The following C12orf42 variants were observed in gnomAD, a reference collection of about 807,000 sequenced individuals.
C12orf42 encodes the protein uncharacterized protein C12orf42.
C12orf42 carries 25 observed loss-of-function variants against 21.6 expected under a neutral mutation model. The observed-to-expected ratio is 1.16, with a 90% CI of 0.84 to 1.62. C12orf42 has a LOEUF of 1.62. Ranked by LOEUF, C12orf42 falls within the 40% of genes most tolerant of loss-of-function variation. C12orf42 has a pLI of 0.00. For synonymous variants in C12orf42, 174 were observed against 175.0 expected (o/e 0.99, Z 0.05); for missense variants, 483 against 459.3 (o/e 1.05, Z -0.47).
chr12:103,243,817 G>A (rs1306202054), intron 10 of C12orf42, among the ~76,000 whole-genome samples: 1 of 152,178 alleles, frequency 6.6e-6, no homozygotes, highest in African/African-American at 2.4e-5. Context: ...CCATGGCAGT[G>A]CCAGCAAGGA....
chr12:103,241,912 A>C (rs1420269477), intron 10 of C12orf42, among the ~76,000 whole-genome samples: 11 of 152,162 alleles, frequency 7.2e-5, no homozygotes, highest in Admixed American at 5.9e-4. Context: ...AAATAAATGT[A>C]TAGGCACTAA....
the C12orf42 span, among the ~76,000 whole-genome samples, chr12:103,177,929 G>T: frequency 6.6e-6 from 1 of 152,114 alleles, no homozygotes; most frequent in South Asian, 2.1e-4. Context: ...TGTAAATAAA[G>T]AATGGATAGG....
chr12:103,120,762 A>G, the C12orf42 span, among the ~76,000 whole-genome samples: 1 of 148,938 alleles, frequency 6.7e-6, no homozygotes, highest in African/African-American at 2.4e-5. Context: ...TTATTCTATT[A>G]TAGTATATTA....
At chr12:103,105,450 G>A in the C12orf42 span, among the ~76,000 whole-genome samples, 5 of 152,078 alleles carry the variant, frequency 3.3e-5, no homozygotes, top group African/African-American at 1.2e-4. Flanking sequence ...GCTAAGCATT[G>A]AGCACACATG....
At chr12:103,563,325 T>G in the C12orf42 span, among the ~76,000 whole-genome samples, 3 of 152,210 alleles carry the variant, frequency 2.0e-5, no homozygotes, top group Non-Finnish European at 4.4e-5. Flanking sequence ...CTACAGCCAA[T>G]TGATCATTTG....
At chr12:103,210,657 T>G in the C12orf42 span, among the ~76,000 whole-genome samples, 3 of 150,394 alleles carry the variant, frequency 2.0e-5, no homozygotes, top group Non-Finnish European at 4.4e-5. Flanking sequence ...TTTTTTTTTT[T>G]TTGCTTTTAG....
At chr12:103,485,116 G>A (rs146681260) in intron 1 of C12orf42, among the ~76,000 whole-genome samples, 91 of 152,138 alleles carry the variant, frequency 6.0e-4, no homozygotes, top group African/African-American at 1.9e-3. Flanking sequence ...TGATCTGCCC[G>A]CCTCGGCCTC....
chr12:103,177,454 G>C, the C12orf42 span, among the ~76,000 whole-genome samples: 2 of 152,166 alleles, frequency 1.3e-5, no homozygotes, highest in Non-Finnish European at 2.9e-5. Context: ...GGTTTCCAAA[G>C]AGCTAAAGAA....
intron 3 of C12orf42, among the ~76,000 whole-genome samples, chr12:103,394,562 G>A (rs10161221): frequency 0.018 from 2,773 of 152,242 alleles, 64 homozygotes; most frequent in African/African-American, 0.057. Flanking sequence ...AACTATAATC[G>A]CTGATTTGGT....
chr12:103,389,203 G>A (rs1011786620), intron 3 of C12orf42, among the ~76,000 whole-genome samples: 1 of 152,182 alleles, frequency 6.6e-6, no homozygotes, highest in Non-Finnish European at 1.5e-5. Flanking sequence ...ACAATATGGG[G>A]AATGGGTTGG....
At chr12:103,562,376 A>G in the C12orf42 span, among the ~76,000 whole-genome samples, 27 of 152,322 alleles carry the variant, frequency 1.8e-4, no homozygotes, top group East Asian at 2.5e-3. Context: ...TATACCTGCC[A>G]TTGTGTTAGC....
the C12orf42 span, among the ~76,000 whole-genome samples, chr12:103,211,351 A>G: frequency 2.6e-5 from 4 of 152,306 alleles, no homozygotes; most frequent in South Asian, 8.3e-4. Context: ...TAAAAGCCCT[A>G]TCCAAAAACA....
the C12orf42 span, among the ~76,000 whole-genome samples, chr12:103,062,419 C>A: frequency 2.5e-4 from 38 of 151,822 alleles, no homozygotes; most frequent in East Asian, 4.4e-3. Flanking sequence ...ATACTAAATT[C>A]TATATCAATA....
intron 1 of C12orf42, among the ~76,000 whole-genome samples, chr12:103,485,727 T>C (rs899791214): frequency 1.1e-4 from 17 of 152,362 alleles, no homozygotes; most frequent in African/African-American, 3.8e-4. Flanking sequence ...TTATTCTCTA[T>C]GTAGCAATTG....
the C12orf42 span, among the ~76,000 whole-genome samples, chr12:103,506,874 A>AT: frequency 1.3e-5 from 1 of 74,402 alleles, no homozygotes; most frequent in Non-Finnish European, 2.3e-5. Flanking sequence ...ATATATATTT[A>AT]TATATTATAT....
the C12orf42 span, among the ~76,000 whole-genome samples, chr12:103,208,346 C>G: frequency 6.6e-6 from 1 of 152,000 alleles, no homozygotes; most frequent in Non-Finnish European, 1.5e-5. Context: ...CCCTTTAGAT[C>G]TCCCCACCCA....
At chr12:103,130,606 C>T in the C12orf42 span, among the ~76,000 whole-genome samples, 1 of 152,050 alleles carries the variant, frequency 6.6e-6, no homozygotes, top group African/African-American at 2.4e-5. Flanking sequence ...TGTGGTTCAG[C>T]ACCCATGGAG....
chr12:103,242,821 TAA>T (rs1224622737), intron 10 of C12orf42, among the ~76,000 whole-genome samples: 3 of 152,154 alleles, frequency 2.0e-5, no homozygotes. Context: ...ATTCACTTTA[TAA>T]AAAGACTCAA....
downstream of C12orf42, among the ~76,000 whole-genome samples, chr12:103,300,423 A>G (rs1487058032): frequency 3.9e-5 from 6 of 152,208 alleles, no homozygotes; most frequent in African/African-American, 1.4e-4. Context: ...ACACTTTGGG[A>G]AACTTCTTTA....
Sources: gnomAD v4.1 joint callset for allele counts (sites outside exome capture counted in the v4.1 genomes callset) on GRCh38, gnomAD v4.1.1 for gene constraint, MANE v1.5 for transcripts, NCBI Gene and HGNC (gene_info 2026-07-23, HGNC 2026-07-21) for gene names.